Variants in NPAS2 observed in about 807,000 individuals in gnomAD.
The protein encoded by NPAS2 is neuronal PAS domain-containing protein 2.
NPAS2 carries 23 observed loss-of-function variants against 107.5 expected under a neutral mutation model. That is an observed-to-expected ratio of 0.21 (90% CI 0.15 to 0.30). The LOEUF is 0.30. NPAS2 is among the 10% of genes least tolerant of loss of function. The pLI, the probability that NPAS2 is intolerant of heterozygous loss-of-function variation, is 1.00. For missense variants in NPAS2, 756 were observed against 1,043.3 expected, an observed-to-expected ratio of 0.72 and a Z score of 3.79; for synonymous variants, 403 against 417.5, an observed-to-expected ratio of 0.97 and a Z score of 0.42.
At chr2:100,833,996 G>A (rs936061352) in intron 1 of NPAS2, among the ~76,000 whole-genome samples, 13 of 152,144 alleles carry the variant, frequency 8.5e-5, no homozygotes, top group African/African-American at 3.1e-4. Context: ...TGGAAGGAAA[G>A]GACCCTAGTG....
intron 12 of NPAS2, chr2:100,972,917 A>G (rs1303542204): frequency 6.6e-6 from 1 of 152,242 alleles, no homozygotes; most frequent in African/African-American, 2.4e-5. Context: ...ACGGTGGCTC[A>G]CGCCTATAAT....
intron 5 of NPAS2, among the ~76,000 whole-genome samples, chr2:100,938,552 T>G (rs1315640527): frequency 1.7e-5 from 1 of 59,894 alleles, no homozygotes. Flanking sequence ...CCTCCCTCCC[T>G]CCCTCCTTCC....
intron 2 of NPAS2, among the ~76,000 whole-genome samples, chr2:100,915,061 TTG>T (rs1169722795): frequency 6.6e-6 from 1 of 152,244 alleles, no homozygotes; most frequent in Non-Finnish European, 1.5e-5. Flanking sequence ...AATGCTCAGA[TTG>T]TGCAAGGTTA....
chr2:100,820,912 G>A lies in NPAS2; in HGVS notation c.-23+498G>A, dbSNP rs1676031361. 3.3e-6 allele frequency: 2 copies of A among 609,484 alleles called. No individual in the cohort carries two copies. Among genetic ancestry groups the A allele is most frequent in the Middle Eastern group, 6.0e-4 (1 of 1,678 alleles). 37.8% of individuals were successfully genotyped at this position (609,484 alleles called of 1,614,324 possible). A position where few individuals can be genotyped will look rare whatever the true frequency, so the allele number is the denominator to read the frequency against. Reference sequence around the variant, plus strand: ...GTCCCTGGGTCGGAATTGGTTCCGGGCCGGATTGGGTGCGGAATCGGTGCC... The same window carrying A: ...GTCCCTGGGTCGGAATTGGTTCCGGACCGGATTGGGTGCGGAATCGGTGCC... On this transcript the variant is annotated intron_variant, in intron 1 of 20. Transcript: ENST00000335681. The surrounding 1 kb of genome is among the most constrained non-coding windows in gnomAD (Gnocchi z 5.6).
At chr2:100,821,116 G>A in intron 1 of NPAS2, 1 of 1,304,650 alleles carries the variant, frequency 7.7e-7, no homozygotes, top group African/African-American at 1.5e-5. Flanking sequence ...TGGGCAGGTC[G>A]GTAACCAGGG....
At chr2:100,954,850 C>A (rs1397386564) in intron 7 of NPAS2, among the ~76,000 whole-genome samples, 9 of 149,976 alleles carry the variant, frequency 6.0e-5, no homozygotes, top group Admixed American at 2.7e-4. Context: ...CCACTAACAT[C>A]ATTTTTTTGT....
rs539069896 is a variant in NPAS2 at position 100,855,309 on chromosome 2, C to A, written c.-23+34895C>A. Among the ~76,000 whole-genome samples, 25 of 152,294 alleles carry A rather than the reference C, an allele frequency of 1.6e-4. No individual in the cohort carries two copies. The South Asian group carries it at 4.4e-3, about 27-fold the overall frequency. ...GGGTTTCAGTGAGTCATTGTTTGCC[C>A]TTCGTGATTCCTAGACAATTCTCCT... On this transcript the variant is annotated intron_variant, in intron 1 of 20. Coordinates refer to ENST00000335681, the MANE Select transcript of NPAS2 (RefSeq NM_002518.4).
chr2:100,913,118 C>G lies in NPAS2; in HGVS notation c.32+8332C>G, dbSNP rs1338751118. On this transcript the variant is annotated intron_variant, in intron 2 of 20. Transcript: ENST00000335681. ...TTCAGCTCCCGGTGGGAATTGGGAA[C>G]ATGAAAATAGGATGCCTCATAGAAT... Among the ~76,000 whole-genome samples, 5 of 152,168 alleles carry G rather than the reference C, an allele frequency of 3.3e-5. No individual in the cohort carries two copies. In the East Asian group the frequency reaches 9.6e-4, roughly 29 times the overall value.
intron 1 of NPAS2, among the ~76,000 whole-genome samples, chr2:100,876,643 T>C (rs1221470476): frequency 6.6e-6 from 1 of 152,164 alleles, no homozygotes; most frequent in African/African-American, 2.4e-5. Flanking sequence ...TGGTGTGTGG[T>C]TGGTGGCAAG....
chr2:100,980,168 G>T (rs113161969), intron 15 of NPAS2, among the ~76,000 whole-genome samples: 1 of 152,012 alleles, frequency 6.6e-6, no homozygotes, highest in South Asian at 2.1e-4. Context: ...GAAAAAATCC[G>T]AATAACGTGA....
intron 7 of NPAS2, 105 bp downstream of exon 7, chr2:100,949,585 T>A: frequency 1.5e-6 from 1 of 679,332 alleles, no homozygotes. Flanking sequence ...AACGCGTGCT[T>A]TTCACATTTG....
chr2:100,950,136 G>A lies in NPAS2; in HGVS notation c.598+656G>A, dbSNP rs143111143. On this transcript the variant is annotated intron_variant, in intron 7 of 20. Transcript: ENST00000335681. ...CCATGCAAAATGGAAATGCAGGCCT[G>A]AGGCCAGGAATTCAGAAACCAAGTC... Among the ~76,000 whole-genome samples the A allele has an allele frequency of 1.9e-3, 293 of 152,342 alleles. 4 individuals carry two copies. The highest frequency in any genetic ancestry group is 6.7e-3 in the African/African-American group (277 of 41,566).
chr2:100,965,720 C>T lies in NPAS2; in HGVS notation c.861C>T (p.Tyr287=). ...TGCTGGGAACCTCAGGCTATGACTACTACCACATTGATGACCTGGAGCTCC... is the reference window on the plus strand; with the variant it reads ...TGCTGGGAACCTCAGGCTATGACTATTACCACATTGATGACCTGGAGCTCC... ...FEVLGTSGYD[Y]YHIDDLELLA... is the part of the protein sequence containing the mutation. The change falls in exon 10 of 21, where the codon TAC becomes TAT. Residue 287 remains tyrosine (Y), a synonymous_variant. Coordinates refer to ENST00000335681, the MANE Select transcript of NPAS2 (RefSeq NM_002518.4). The surrounding 1 kb of genome is among the most constrained non-coding windows in gnomAD (Gnocchi z 4.3). The T allele has an allele frequency of 6.2e-7, 1 of 1,614,116 alleles. No individual in the cohort carries two copies. Among genetic ancestry groups the T allele is most frequent in the Non-Finnish European group, 8.5e-7 (1 of 1,179,972 alleles).
In NPAS2 at chr2:100,995,456, C is replaced by A. The variant is rs372661965; in HGVS notation, c.2349C>A (p.Thr783=). Residue 783 remains threonine, a synonymous_variant, in exon 21 of 21, where the codon ACC becomes ACA. Transcript: ENST00000335681. ...AGCAGGACTCGCTACTTCTCTCCACCTACTCACAACAGCCAGGGACCCTGG... is the reference window on the plus strand; with the variant it reads ...AGCAGGACTCGCTACTTCTCTCCACATACTCACAACAGCCAGGGACCCTGG... ...SEQQDSLLLS[T]YSQQPGTLGY... 1.4e-5 allele frequency: 23 copies of A among 1,614,032 alleles called. No individual in the cohort carries two copies. In the African/African-American group the frequency reaches 2.7e-4, roughly 19 times the overall value.
intron 1 of NPAS2, among the ~76,000 whole-genome samples, chr2:100,858,602 TGGC>T (rs1678732121): frequency 6.6e-6 from 1 of 152,084 alleles, no homozygotes; most frequent in Non-Finnish European, 1.5e-5. Context: ...ATTCAGAAGG[TGGC>T]GGGGAGTTCC....
chr2:100,990,788 T>A lies in NPAS2; in HGVS notation c.2027T>A (p.Leu676Gln). The change falls in exon 19 of 21, where the codon CTG (leucine) becomes CAG (glutamine). Residue 676 changes from leucine to glutamine, a missense_variant. Leu to Gln is a moderately radical substitution (Grantham distance 113, BLOSUM62 -2). Transcript: ENST00000335681. The part of the protein sequence containing the change: ...FSHDRQLRLL[L>Q]SQPIQPMMPG... Reference sequence around the variant, plus strand: ...CCCACCTCTGCTTAAAGGCTGTTGCTGAGCCAGCCCATCCAGCCCATGATG... The same window carrying A: ...CCCACCTCTGCTTAAAGGCTGTTGCAGAGCCAGCCCATCCAGCCCATGATG... 2 of 1,614,098 alleles carry A rather than the reference T, an allele frequency of 1.2e-6. No individual in the cohort carries two copies. Among genetic ancestry groups the A allele is most frequent in the Non-Finnish European group, 1.7e-6 (2 of 1,179,956 alleles).
Position 100,842,081 on chromosome 2 carries a change from G to GCGCGCGCGCACACACACACA in NPAS2, c.-23+21668_-23+21669insGCGCGCGCACACACACACAC. 9.7e-3 allele frequency among the ~76,000 whole-genome samples: 1,438 copies of GCGCGCGCGCACACACACACA among 148,866 alleles called. 15 individuals carry two copies. The highest frequency in any genetic ancestry group is 0.013 in the Admixed American group (201 of 14,958). On this transcript the variant is annotated intron_variant, in intron 1 of 20. Coordinates refer to ENST00000335681, the MANE Select transcript of NPAS2 (RefSeq NM_002518.4). ...TTCATGCATGAGTGTGCATGTACGCGCACACACACACACACACACACACAC... is the reference window on the plus strand; with the variant it reads ...TTCATGCATGAGTGTGCATGTACGCGCGCGCGCGCACACACACACACACACACACACACACACACACACAC...
intron 1 of NPAS2, among the ~76,000 whole-genome samples, chr2:100,846,308 T>C (rs77248846): frequency 0.011 from 1,735 of 152,360 alleles, 40 homozygotes; most frequent in African/African-American, 0.039. Context: ...CATTAAGTTT[T>C]ACATAAAATG....
intron 1 of NPAS2, among the ~76,000 whole-genome samples, chr2:100,839,032 C>T (rs1303314216): frequency 6.6e-6 from 1 of 152,140 alleles, no homozygotes; most frequent in African/African-American, 2.4e-5. Context: ...GTCTCTCCCA[C>T]CCCTGAGACA....
Sources: gnomAD v4.1 joint callset for allele counts (sites outside exome capture counted in the v4.1 genomes callset) on GRCh38, gnomAD v4.1.1 for gene constraint, Gnocchi (gnomAD v3.1) non-coding constraint, MANE v1.5 for transcripts, NCBI Gene and HGNC (gene_info 2026-07-23, HGNC 2026-07-21) for gene names.